Variants in BORCS8 observed in about 807,000 individuals in gnomAD.
BORCS8 encodes the protein BLOC-1 related complex subunit 8.
Under a neutral mutation model 18.7 loss-of-function variants are expected in BORCS8, and 13 were observed. The observed-to-expected ratio is 0.70, with a 90% confidence interval of 0.45 to 1.11. BORCS8 has a LOEUF of 1.11. Among genes scored for constraint, BORCS8 ranks in the 50% least tolerant of loss-of-function variants. The pLI is 0.00. For synonymous variants in BORCS8, 68 were observed against 64.8 expected, an observed-to-expected ratio of 1.05 and a Z score of -0.24; for missense variants, 165 against 165.7, an observed-to-expected ratio of 1.00 and a Z score of 0.02.
chr19:19,187,352 G>A (rs886574741), intron 1 of BORCS8, among the ~76,000 whole-genome samples: 4 of 151,942 alleles, frequency 2.6e-5, no homozygotes, highest in African/African-American at 9.7e-5. Flanking sequence ...GCGGGCGCCT[G>A]TAGTCCCAGC....
In BORCS8 at chr19:19,182,355, C is replaced by T. The variant is rs2060357324; in HGVS notation, c.326+218G>A. 5 of 1,278,902 alleles carry T rather than the reference C, an allele frequency of 3.9e-6. No homozygotes were observed. The East Asian group carries it at 1.2e-4, about 30-fold the overall frequency. The allele number at this position is 1,278,902 out of a possible 1,614,324, so 79.2% of individuals were successfully genotyped here. A position where few individuals can be genotyped will look rare whatever the true frequency, so the allele number is the denominator to read the frequency against. On this transcript the variant is annotated intron_variant, in intron 4 of 5. Coordinates refer to ENST00000462790, the MANE Select transcript of BORCS8 (RefSeq NM_001145784.2). This position sits in a 1 kb window ranked among gnomAD's most constrained non-coding sequence, Gnocchi z 4.1. Reference sequence around the variant, plus strand: ...TCGGTCACTGCTATGTCCCCAGTGCCCAGCCCAGGGCCAGGCACACAGCAG... The same window carrying T: ...TCGGTCACTGCTATGTCCCCAGTGCTCAGCCCAGGGCCAGGCACACAGCAG...
intron 4 of BORCS8, among the ~76,000 whole-genome samples, chr19:19,181,242 G>A (rs1456933070): frequency 2.0e-5 from 3 of 151,756 alleles, no homozygotes; most frequent in African/African-American, 2.4e-5. Context: ...GGTCACACCT[G>A]TAATCCCAGC....
At chr19:19,188,450 G>A (rs2060432652) in intron 1 of BORCS8, among the ~76,000 whole-genome samples, 2 of 152,066 alleles carry the variant, frequency 1.3e-5, no homozygotes, top group African/African-American at 4.8e-5. Context: ...GAGCCACTGT[G>A]CCTGGCCCCC....
rs1397774364 is a variant in BORCS8 at position 19,182,957 on chromosome 19, CTGATAA to C, written c.216-280_216-275del. On this transcript the variant is annotated intron_variant, in intron 3 of 5. Coordinates refer to ENST00000462790, the MANE Select transcript of BORCS8 (RefSeq NM_001145784.2). This position sits in a 1 kb window ranked among gnomAD's most constrained non-coding sequence, Gnocchi z 4.1. Reference sequence around the variant, plus strand: ...ATAAAAAATATCTCGGCCATTACTGCTGATAATGGGGGTGTAAAAAATAGGAAAGAA... The same window carrying C: ...ATAAAAAATATCTCGGCCATTACTGCTGGGGGTGTAAAAAATAGGAAAGAA... 6.6e-6 allele frequency among the ~76,000 whole-genome samples: 1 copy of C among 152,118 alleles called. No homozygotes were observed. The highest frequency in any genetic ancestry group is 2.1e-4 in the South Asian group (1 of 4,826).
chr19:19,185,135 C>G (rs1019103739), intron 3 of BORCS8, among the ~76,000 whole-genome samples: 1 of 152,276 alleles, frequency 6.6e-6, no homozygotes, highest in African/African-American at 2.4e-5. Flanking sequence ...TGGCAGAATA[C>G]TGCCCCAGCA....
At chr19:19,187,481 A>G (rs1231531434) in intron 1 of BORCS8, among the ~76,000 whole-genome samples, 7 of 151,816 alleles carry the variant, frequency 4.6e-5, no homozygotes, top group African/African-American at 1.7e-4. Context: ...CATCTCAAAA[A>G]AAAAAAAAGA....
At chr19:19,190,040 C>T (rs561793751) in intron 1 of BORCS8, among the ~76,000 whole-genome samples, 3 of 152,208 alleles carry the variant, frequency 2.0e-5, no homozygotes, top group Non-Finnish European at 2.9e-5. Flanking sequence ...GACACCATTC[C>T]GTCACTGGCT....
Position 19,182,436 on chromosome 19 carries a change from AGAG to A in BORCS8, c.326+134_326+136del. On this transcript the variant is annotated intron_variant, in intron 4 of 5. Transcript: ENST00000462790. The surrounding 1 kb of genome is among the most constrained non-coding windows in gnomAD (Gnocchi z 4.1). ...CTCAGGTTATAGATGCCACAGGACA[AGAG>A]GAGGTCACCAGACACCAGGACAAAA... The A allele has an allele frequency of 2.1e-6, 3 of 1,441,294 alleles. No homozygotes were observed. The highest frequency in any genetic ancestry group is 2.8e-5 in the South Asian group (2 of 71,100). 89.3% of individuals were successfully genotyped at this position (1,441,294 alleles called of 1,614,324 possible).
In BORCS8 at chr19:19,184,553, T is replaced by A. The variant is rs897617848; in HGVS notation, c.215+1481A>T. Among the ~76,000 whole-genome samples the A allele has an allele frequency of 2.0e-5, 3 of 151,440 alleles. 1 individual carries two copies. In the South Asian group the frequency reaches 6.3e-4, roughly 32 times the overall value. ...TCCTGAGCTCATGATCCGCCTGCCT[T>A]GGCCTCCCAAAGTGCTGGGATTACA... is the stretch of plus-strand genomic sequence containing the variant. On this transcript the variant is annotated intron_variant, in intron 3 of 5. Transcript: ENST00000462790.
At chr19:19,186,813 A>C in intron 2 of BORCS8, 80 bp downstream of exon 2, 2 of 1,071,536 alleles carry the variant, frequency 1.9e-6, no homozygotes, top group Non-Finnish European at 2.6e-6. Flanking sequence ...TGGCTTTGCC[A>C]CCACATGCCT....
chr19:19,184,880 G>C (rs912039848), intron 3 of BORCS8, among the ~76,000 whole-genome samples: 2 of 152,172 alleles, frequency 1.3e-5, no homozygotes, highest in African/African-American at 4.8e-5. Flanking sequence ...GAGTACAGGC[G>C]TAAGCCCCTG....
rs76230345 is a variant in BORCS8 at position 19,186,245 on chromosome 19, G to C, written c.151-147C>G. Reference sequence around the variant, plus strand: ...TGCAACTCCCTTCCCTCACAGGTCTGGGCTTTCTGTGAACACCTGGCCACC... The same window carrying C: ...TGCAACTCCCTTCCCTCACAGGTCTCGGCTTTCTGTGAACACCTGGCCACC... On this transcript the variant is annotated intron_variant, in intron 2 of 5. Coordinates refer to ENST00000462790, the MANE Select transcript of BORCS8 (RefSeq NM_001145784.2). 1.3e-3 allele frequency: 1,017 copies of C among 771,086 alleles called. 10 individuals carry two copies. In the African/African-American group the frequency reaches 0.016, roughly 12 times the overall value. 47.8% of individuals were successfully genotyped at this position (771,086 alleles called of 1,614,324 possible).
chr19:19,191,573 G>A (rs1206097265), intron 1 of BORCS8, among the ~76,000 whole-genome samples: 2 of 151,454 alleles, frequency 1.3e-5, no homozygotes, highest in Middle Eastern at 3.4e-3. Context: ...CAAATATCAG[G>A]TTGTTGAGTT....
chr19:19,188,622 C>T (rs73537455), intron 1 of BORCS8, among the ~76,000 whole-genome samples: 18,160 of 152,164 alleles, frequency 0.12, 1,244 homozygotes, highest in African/African-American at 0.17. Flanking sequence ...CCAGGAGGGC[C>T]TCAGCTGCCA....
At chr19:19,177,753 G>GAAACGA (rs112165012) in intron 5 of BORCS8, 1 of 154,708 alleles carries the variant, frequency 6.5e-6, no homozygotes, top group Non-Finnish European at 1.3e-5. Flanking sequence ...GAAAAGAAAA[G>GAAACGA]AAAGGAAGAA....
intron 1 of BORCS8, among the ~76,000 whole-genome samples, chr19:19,189,359 T>C (rs2060443922): frequency 1.3e-5 from 2 of 152,178 alleles, no homozygotes; most frequent in East Asian, 1.9e-4. Flanking sequence ...GCCTCTCTGC[T>C]TCCCCTGCTG....
Position 19,192,133 on chromosome 19 carries a change from G to C in BORCS8, c.-16C>G, listed in dbSNP as rs777000984. Reference sequence around the variant, plus strand: ...GCTCCTCCATAGCGACCGCGGCCGAGCGAACCGGGAAACGGCACCGGAAGC... The same window carrying C: ...GCTCCTCCATAGCGACCGCGGCCGACCGAACCGGGAAACGGCACCGGAAGC... On this transcript the variant is annotated 5_prime_UTR_variant, in exon 1 of 6. Coordinates refer to ENST00000462790, the MANE Select transcript of BORCS8 (RefSeq NM_001145784.2). The C allele has an allele frequency of 4.5e-6, 7 of 1,551,040 alleles. No homozygotes were observed. The highest frequency in any genetic ancestry group is 2.4e-5 in the East Asian group (1 of 40,900).
chr19:19,181,679 T>C (rs1010461755), intron 4 of BORCS8, among the ~76,000 whole-genome samples: 4 of 152,204 alleles, frequency 2.6e-5, no homozygotes, highest in African/African-American at 9.6e-5. Context: ...AAACCCTTCA[T>C]GCTACCGTTT....
rs970544693 is a variant in BORCS8, at chr19:19,186,958, A to G, written c.85T>C (p.Ser29Pro). Residue 29 changes from serine to proline, a missense_variant, in exon 2 of 6, where the codon TCC becomes CCC. Ser to Pro is a moderately conservative substitution (Grantham distance 74). Transcript: ENST00000462790. ...ESVYVLANEPSVALYRLQEHV... is the reference protein window; with the variant it reads ...ESVYVLANEPPVALYRLQEHV... Reference sequence around the variant, plus strand: ...TCCTGCAGCCGGTACAGGGCCACGGATGGCTCGTTGGCCAGGACGTAGACG... The same window carrying G: ...TCCTGCAGCCGGTACAGGGCCACGGGTGGCTCGTTGGCCAGGACGTAGACG... 22 of 1,551,242 alleles carry G rather than the reference A, an allele frequency of 1.4e-5. No individual in the cohort carries two copies. Among genetic ancestry groups the G allele is most frequent in the Non-Finnish European group, 1.9e-5 (22 of 1,146,922 alleles).
Sources: allele counts gnomAD v4.1 joint callset (sites outside exome capture counted in the v4.1 genomes callset), GRCh38; gene constraint gnomAD v4.1.1; non-coding constraint Gnocchi (gnomAD v3.1); transcripts MANE v1.5; gene names NCBI Gene and HGNC (gene_info 2026-07-23, HGNC 2026-07-21).